FRMD4A: variants seen among roughly 807,000 people sequenced by gnomAD.
FRMD4A encodes FERM domain-containing protein 4A.
FRMD4A carries 29 observed loss-of-function variants against 129.1 expected under a neutral mutation model. That is an observed-to-expected ratio of 0.22 (90% confidence interval 0.17 to 0.31). The LOEUF (loss-of-function observed/expected upper bound fraction) is 0.31, where lower values mean the gene tolerates loss of function less well. FRMD4A is among the 10% of genes least tolerant of loss of function. The pLI is 1.00. For synonymous variants in FRMD4A, 634 were observed against 571.6 expected (o/e 1.11, Z -1.56); for missense variants, 1,272 against 1,375.8 (o/e 0.92, Z 1.19).
chr10:13,726,177 G>C (rs751214620), intron 12 of FRMD4A, among the ~76,000 whole-genome samples: 1 of 152,180 alleles, frequency 6.6e-6, no homozygotes, highest in Non-Finnish European at 1.5e-5. Context: ...GGGAGGCTGA[G>C]GTGGGAGGAT....
chr10:14,044,824 CAA>C (rs1433538850), intron 2 of FRMD4A, among the ~76,000 whole-genome samples: 4 of 152,192 alleles, frequency 2.6e-5, no homozygotes, highest in African/African-American at 9.7e-5. Flanking sequence ...TTTTCAACCA[CAA>C]CACTGCTCTG....
chr10:13,848,644 G>A (rs115771030), intron 3 of FRMD4A, among the ~76,000 whole-genome samples: 171 of 146,072 alleles, frequency 1.2e-3, no homozygotes, highest in African/African-American at 4.0e-3. Context: ...GTGTGTAAAC[G>A]CGGCAGGGGG....
At chr10:13,813,612 T>G (rs562527549) in intron 3 of FRMD4A, among the ~76,000 whole-genome samples, 35 of 152,348 alleles carry the variant, frequency 2.3e-4, no homozygotes, top group Non-Finnish European at 2.9e-5. Context: ...CTCTAAACAC[T>G]GCCACTGGCC....
Position 14,174,884 on chromosome 10 carries a change from T to A in FRMD4A, c.45+155174A>T, listed in dbSNP as rs1450153000. 4.7e-5 allele frequency among the ~76,000 whole-genome samples: 5 copies of A among 105,728 alleles called. No homozygotes were observed. In the East Asian group the frequency reaches 1.5e-3, roughly 32 times the overall value. The allele number at this position is 105,728 out of a possible 152,430, so 69.4% of individuals were successfully genotyped here. A position where few individuals can be genotyped will look rare whatever the true frequency, so the allele number is the denominator to read the frequency against. On this transcript the variant is annotated intron_variant, in intron 2 of 24. Transcript: ENST00000357447. Reference sequence around the variant, plus strand: ...AAAAAAAAGTGTGTGTGTGTCTGTGTGTGTGTGTGTGTGTGTGTGTGTGTG... The same window carrying A: ...AAAAAAAAGTGTGTGTGTGTCTGTGAGTGTGTGTGTGTGTGTGTGTGTGTG...
chr10:13,656,839 T>A lies in FRMD4A; in HGVS notation c.2750A>T (p.Lys917Met). The A allele has an allele frequency of 2.0e-6, 3 of 1,524,498 alleles. No individual in the cohort carries two copies. Among genetic ancestry groups the A allele is most frequent in the Non-Finnish European group, 2.6e-6 (3 of 1,139,560 alleles). 94.4% of individuals were successfully genotyped at this position (1,524,498 alleles called of 1,614,324 possible). ...PSLGREGAHDKGAGRAAVSDE... is the reference protein window; with the variant it reads ...PSLGREGAHDMGAGRAAVSDE... ...TGAGACGGCGGCACGGCCCGCGCCC[T>A]TGTCGTGGGCGCCCTCGCGGCCCAG... is the stretch of plus-strand genomic sequence containing the variant. Residue 917 changes from lysine (K) to methionine (M), a missense_variant, in exon 22 of 25, where the codon AAG becomes ATG. Around this residue, in one of 2 missense-constraint regions of FRMD4A, gnomAD observed 972 missense variants for 892.3 expected, o/e 1.09. Coordinates refer to ENST00000357447, the MANE Select transcript of FRMD4A (RefSeq NM_018027.5).
At chr10:14,005,179 C>T (rs1962965) in intron 2 of FRMD4A, among the ~76,000 whole-genome samples, 115,977 of 151,940 alleles carry the variant, frequency 0.76, 44,767 homozygotes, top group African/African-American at 0.86. Flanking sequence ...CATACCACCA[C>T]GCCTGGCTAA....
At chr10:13,710,259 C>T (rs1291770444) in intron 12 of FRMD4A, among the ~76,000 whole-genome samples, 1 of 152,226 alleles carries the variant, frequency 6.6e-6, no homozygotes, top group African/African-American at 2.4e-5. Context: ...CCCTCCCCAC[C>T]CGATGAAGAA....
chr10:13,839,982 C>T (rs772323186), intron 3 of FRMD4A, among the ~76,000 whole-genome samples: 7 of 152,188 alleles, frequency 4.6e-5, no homozygotes, highest in South Asian at 2.1e-4. Context: ...ATAAAAATGA[C>T]GGAGTGAGGC....
At chr10:13,868,175 C>T in intron 2 of FRMD4A, among the ~76,000 whole-genome samples, 1 of 150,976 alleles carries the variant, frequency 6.6e-6, no homozygotes. Context: ...TGGGATCTAC[C>T]CAAAACCTTT....
intron 2 of FRMD4A, among the ~76,000 whole-genome samples, chr10:14,109,539 T>G (rs1588993612): frequency 6.6e-6 from 1 of 152,216 alleles, no homozygotes; most frequent in Non-Finnish European, 1.5e-5. Context: ...GAACATATTC[T>G]CCTGCCGCAG....
At chr10:13,944,265 G>A (rs2095315483) in intron 2 of FRMD4A, among the ~76,000 whole-genome samples, 1 of 151,334 alleles carries the variant, frequency 6.6e-6, no homozygotes, top group African/African-American at 2.4e-5. Context: ...GATTAGCAGT[G>A]GCATTAGATT....
intron 2 of FRMD4A, among the ~76,000 whole-genome samples, chr10:13,975,321 T>C (rs1045561108): frequency 6.6e-6 from 1 of 152,000 alleles, no homozygotes; most frequent in African/African-American, 2.4e-5. Flanking sequence ...TGTGTGTGTG[T>C]GCCTATCTCT....
At chr10:14,073,031 AT>A (rs112571422) in intron 2 of FRMD4A, among the ~76,000 whole-genome samples, 5,053 of 152,290 alleles carry the variant, frequency 0.033, 274 homozygotes, top group African/African-American at 0.11. Context: ...GGATAAAAAA[AT>A]AATAGCTTTA....
chr10:13,649,970 C>A (rs1041214577), intron 24 of FRMD4A, among the ~76,000 whole-genome samples: 8 of 152,192 alleles, frequency 5.3e-5, no homozygotes, highest in Admixed American at 4.6e-4. Flanking sequence ...AGCAGCTTAG[C>A]CCTGGGCAGT....
At chr10:13,923,375 T>A (rs1044424765) in intron 2 of FRMD4A, among the ~76,000 whole-genome samples, 1 of 152,198 alleles carries the variant, frequency 6.6e-6, no homozygotes, top group African/African-American at 2.4e-5. Flanking sequence ...TGTTCCTGAG[T>A]GCGACATTTT....
At chr10:14,230,033 A>T (rs994332959) in intron 2 of FRMD4A, among the ~76,000 whole-genome samples, 2 of 152,200 alleles carry the variant, frequency 1.3e-5, no homozygotes, top group South Asian at 4.1e-4. Flanking sequence ...ATTGTGAGAG[A>T]GGTTTTCAGA....
rs12265650 is a variant in FRMD4A, at chr10:14,152,607, G to A, written c.45+177451C>T. On this transcript the variant is annotated intron_variant, in intron 2 of 24. Coordinates refer to ENST00000357447, the MANE Select transcript of FRMD4A (RefSeq NM_018027.5). ...CATTAAGAATAGAGAGAAGCCGGGC[G>A]CGGTGGCTCGCTTGAGGCCGGGAGT... Among the ~76,000 whole-genome samples the A allele has an allele frequency of 9.2e-3, 1,405 of 152,238 alleles. 19 individuals carry two copies. The highest frequency in any genetic ancestry group is 0.032 in the African/African-American group (1,326 of 41,530).
chr10:14,094,816 G>GT (rs984030348), intron 2 of FRMD4A, among the ~76,000 whole-genome samples: 15 of 152,226 alleles, frequency 9.9e-5, no homozygotes, highest in Admixed American at 9.2e-4. Flanking sequence ...AAGATTTGCA[G>GT]TGGCTACTGC....
At chr10:14,090,825 T>A (rs575438529) in intron 2 of FRMD4A, among the ~76,000 whole-genome samples, 2 of 152,256 alleles carry the variant, frequency 1.3e-5, no homozygotes, top group African/African-American at 2.4e-5. Flanking sequence ...GACTAACATT[T>A]GAAAATTTAA....
Sources: gnomAD v4.1 joint callset for allele counts (sites outside exome capture counted in the v4.1 genomes callset) on GRCh38, gnomAD v4.1.1 for gene constraint, gnomAD v4.1.1 regional missense constraint, MANE v1.5 for transcripts, NCBI Gene and HGNC (gene_info 2026-07-23, HGNC 2026-07-21) for gene names.